Variants in FSTL4 observed in about 807,000 individuals in gnomAD.
The protein encoded by FSTL4 is follistatin like 4, also known as follistatin-related protein 4.
Under a neutral mutation model 78.2 loss-of-function variants are expected in FSTL4, and 28 were observed. The ratio of observed to expected loss-of-function variants is 0.36; its 90% CI spans 0.27 to 0.49. The LOEUF (loss-of-function observed/expected upper bound fraction) is 0.49. Among genes scored for constraint, FSTL4 ranks in the 20% least tolerant of loss-of-function variants. The probability of loss-of-function intolerance (pLI) is 0.98; values close to 1 mark genes in which losing one functional copy is unlikely to be tolerated. For missense variants in FSTL4, 922 were observed against 1,084.9 expected, an observed-to-expected ratio of 0.85 and a Z score of 2.11; for synonymous variants, 422 against 440.5, an observed-to-expected ratio of 0.96 and a Z score of 0.53.
chr5:133,316,730 A>T (rs746054646), intron 4 of FSTL4, 78 bp from the exon 5 acceptor site: 25 of 1,236,682 alleles, frequency 2.0e-5, no homozygotes, highest in Middle Eastern at 3.9e-4. Context: ...TGGTCCATTC[A>T]TCTCACTCAC....
chr5:133,454,262 A>T (rs1489877960), intron 3 of FSTL4, among the ~76,000 whole-genome samples: 1 of 152,268 alleles, frequency 6.6e-6, no homozygotes, highest in Non-Finnish European at 1.5e-5. Context: ...CATGTATTGT[A>T]AAAACAAAGG....
the FSTL4 span, among the ~76,000 whole-genome samples, chr5:133,670,659 G>A: frequency 6.6e-6 from 1 of 152,238 alleles, no homozygotes; most frequent in Non-Finnish European, 1.5e-5. Flanking sequence ...GAGGGTGTGG[G>A]AGACAGATTA....
chr5:133,835,814 A>G, the FSTL4 span, among the ~76,000 whole-genome samples: 1 of 152,248 alleles, frequency 6.6e-6, no homozygotes, highest in South Asian at 2.1e-4. Context: ...AAAATTTCCT[A>G]CCGTGATTAT....
At chr5:133,677,987 T>G in the FSTL4 span, among the ~76,000 whole-genome samples, 1 of 152,064 alleles carries the variant, frequency 6.6e-6, no homozygotes, top group Admixed American at 6.5e-5. Flanking sequence ...TTGAAATACA[T>G]GTATGTTGTG....
the FSTL4 span, among the ~76,000 whole-genome samples, chr5:133,679,672 G>A: frequency 2.0e-5 from 3 of 152,256 alleles, no homozygotes; most frequent in East Asian, 5.8e-4. Context: ...ACAGGCCACA[G>A]CCAGTCATCT....
At position 133,598,978 on chromosome 5, in the gene FSTL4, A is replaced by G. The variant is rs116803723; in HGVS notation, c.126+4880T>C. On this transcript the variant is annotated intron_variant, in intron 2 of 15. Transcript: ENST00000265342. Reference sequence around the variant, plus strand: ...TATGCCCACAAACCAGCTGAGGGCCAGGGTGAGTACAAACACCAACGGGCA... The same window carrying G: ...TATGCCCACAAACCAGCTGAGGGCCGGGGTGAGTACAAACACCAACGGGCA... Among the ~76,000 whole-genome samples the G allele has an allele frequency of 3.4e-3, 520 of 152,284 alleles. 1 individual carries two copies. Among genetic ancestry groups the G allele is most frequent in the Non-Finnish European group, 5.4e-3 (369 of 68,012 alleles).
chr5:133,519,257 A>T (rs1326447973), intron 3 of FSTL4, among the ~76,000 whole-genome samples: 1 of 152,222 alleles, frequency 6.6e-6, no homozygotes, highest in Non-Finnish European at 1.5e-5. Context: ...TTTCCACCCC[A>T]GGGCTTCTCT....
the FSTL4 span, among the ~76,000 whole-genome samples, chr5:133,817,605 C>T: frequency 1.2e-4 from 18 of 152,252 alleles, no homozygotes; most frequent in Admixed American, 5.9e-4. Context: ...GCCCCTGCCT[C>T]GGAGACACCC....
At chr5:133,753,232 T>A in the FSTL4 span, among the ~76,000 whole-genome samples, 1 of 152,198 alleles carries the variant, frequency 6.6e-6, no homozygotes, top group Non-Finnish European at 1.5e-5. Context: ...CTGCTCTGCA[T>A]CTTGCAAACA....
intron 3 of FSTL4, among the ~76,000 whole-genome samples, chr5:133,410,342 TCCC>T (rs1346788936): frequency 6.6e-6 from 1 of 152,206 alleles, no homozygotes; most frequent in East Asian, 1.9e-4. Context: ...TTTGTCACTT[TCCC>T]CAGCTCCTCT....
Position 133,217,305 on chromosome 5 carries a change from T to G in FSTL4, c.1532A>C (p.Asn511Thr), listed in dbSNP as rs748835993. 2.5e-6 allele frequency: 4 copies of G among 1,613,812 alleles called. No individual in the cohort carries two copies. In the East Asian group the frequency reaches 8.9e-5, roughly 36 times the overall value. Residue 511 changes from asparagine to threonine, a missense_variant, in exon 13 of 16, where the codon AAC becomes ACC. Physicochemically the swap from Asn to Thr is moderately conservative, Grantham distance 65 (BLOSUM62 0). Coordinates refer to ENST00000265342, the MANE Select transcript of FSTL4 (RefSeq NM_015082.2). The stretch of plus-strand genomic sequence containing the variant: ...TGGCTGGGCCACATAGATGTACCGG[T>G]TCCGGACATTGACTGCAGATACCCA... ...CQWVSAVNVR[N>T]RYIYVAQPAL... is the part of the protein sequence containing the mutation.
intron 4 of FSTL4, among the ~76,000 whole-genome samples, chr5:133,333,174 A>C (rs1047375693): frequency 6.6e-6 from 1 of 152,176 alleles, no homozygotes; most frequent in Non-Finnish European, 1.5e-5. Context: ...GGAGGCTCCT[A>C]TGCAGCTGGC....
At chr5:133,717,556 G>A in the FSTL4 span, among the ~76,000 whole-genome samples, 4 of 152,116 alleles carry the variant, frequency 2.6e-5, no homozygotes, top group East Asian at 1.9e-4. Context: ...ACAGCCAAAC[G>A]TTCCTTAGTG....
At chr5:133,486,988 T>C (rs1758151339) in intron 3 of FSTL4, among the ~76,000 whole-genome samples, 1 of 152,206 alleles carries the variant, frequency 6.6e-6, no homozygotes, top group South Asian at 2.1e-4. Flanking sequence ...CCCTGGCTTC[T>C]GAGAACTGCA....
At chr5:133,254,375 G>T (rs1467557936) in intron 6 of FSTL4, among the ~76,000 whole-genome samples, 1 of 152,256 alleles carries the variant, frequency 6.6e-6, no homozygotes, top group Non-Finnish European at 1.5e-5. Context: ...CAGCTCCTGT[G>T]TTCTTCCCTG....
intron 3 of FSTL4, among the ~76,000 whole-genome samples, chr5:133,487,160 T>C (rs1388716458): frequency 1.3e-5 from 2 of 152,216 alleles, no homozygotes; most frequent in Non-Finnish European, 2.9e-5. Context: ...CGCTCTGATG[T>C]AGGCATTTTC....
chr5:133,225,422 G>C lies in FSTL4; in HGVS notation c.1178-138C>G. On this transcript the variant is annotated intron_variant, in intron 9 of 15. Coordinates refer to ENST00000265342, the MANE Select transcript of FSTL4 (RefSeq NM_015082.2). This position sits in a 1 kb window ranked among gnomAD's most constrained non-coding sequence, Gnocchi z 4.6. ...CTGATTATACGCCCAGGAAGGGCTG[G>C]CACATCTGAAATGCACTGAGGGTGA... 3 of 1,053,774 alleles carry C rather than the reference G, an allele frequency of 2.8e-6. No individual in the cohort carries two copies. The highest frequency in any genetic ancestry group is 4.2e-6 in the Non-Finnish European group (3 of 716,644). 65.3% of individuals were successfully genotyped at this position (1,053,774 alleles called of 1,614,324 possible).
chr5:133,252,912 T>C (rs73278002), intron 6 of FSTL4, among the ~76,000 whole-genome samples: 5,102 of 152,248 alleles, frequency 0.034, 268 homozygotes, highest in African/African-American at 0.12. Flanking sequence ...TTCCCAGCCA[T>C]TTGCATGTAG....
In FSTL4 at chr5:133,567,114, T is replaced by C. The variant is rs374653942; in HGVS notation, c.160+72A>G. The C allele has an allele frequency of 8.0e-5, 86 of 1,070,348 alleles. 1 individual carries two copies. The South Asian group carries it at 9.0e-4, about 11-fold the overall frequency. The allele number at this position is 1,070,348 out of a possible 1,614,324, so 66.3% of individuals were successfully genotyped here. On this transcript the variant is annotated intron_variant, in intron 3 of 15. Transcript: ENST00000265342. ...TGAGCTGCCCACAGTCTGAAGTTCA[T>C]CTTAGTTTCAGCAAACTACTTCAAA...
Sources: allele counts gnomAD v4.1 joint callset (sites outside exome capture counted in the v4.1 genomes callset), GRCh38; gene constraint gnomAD v4.1.1; non-coding constraint Gnocchi (gnomAD v3.1); transcripts MANE v1.5; gene names NCBI Gene and HGNC (gene_info 2026-07-23, HGNC 2026-07-21).